The following TGIF1 variants were observed in gnomAD, a reference collection of about 807,000 sequenced individuals.
TGIF1 encodes TGFB induced factor homeobox 1.
TGIF1 carries 4 observed loss-of-function variants against 19.3 expected under a neutral mutation model. The ratio of observed to expected loss-of-function variants is 0.21; its 90% CI spans 0.10 to 0.47. The LOEUF (loss-of-function observed/expected upper bound fraction) is 0.47. Among genes scored for constraint, TGIF1 ranks in the 20% least tolerant of loss-of-function variants. TGIF1 has a pLI of 0.98. For missense variants in TGIF1, 275 were observed against 341.4 expected (o/e 0.81, Z 1.53); for synonymous variants, 122 against 129.3 (o/e 0.94, Z 0.38).
In TGIF1 at chr18:3,432,904, C is replaced by A. The variant is rs557114747; in HGVS notation, c.-45+14689C>A. 2.0e-5 allele frequency among the ~76,000 whole-genome samples: 3 copies of A among 152,164 alleles called. No homozygotes were observed. In the East Asian group the frequency reaches 5.8e-4, roughly 29 times the overall value. ...CCTCCCGAGTAGCTGGGATTACAGGCATGCGCCACCAAGCCCGGCTAATTT... is the reference window on the plus strand; with the variant it reads ...CCTCCCGAGTAGCTGGGATTACAGGAATGCGCCACCAAGCCCGGCTAATTT... On this transcript the variant is annotated intron_variant, in intron 2 of 3. Transcript: ENST00000401449.
At chr18:3,426,848 T>C (rs570424708) in intron 2 of TGIF1, among the ~76,000 whole-genome samples, 1 of 151,686 alleles carries the variant, frequency 6.6e-6, no homozygotes, top group Non-Finnish European at 1.5e-5. Flanking sequence ...CATGAGAAAG[T>C]AATTAAACCA....
chr18:3,426,051 T>G (rs2082463568), intron 2 of TGIF1, among the ~76,000 whole-genome samples: 1 of 152,068 alleles, frequency 6.6e-6, no homozygotes, highest in Non-Finnish European at 1.5e-5. Context: ...ATGTATCCTT[T>G]TATCTATTTT....
At chr18:3,416,304 G>C (rs1459290375) in intron 1 of TGIF1, among the ~76,000 whole-genome samples, 1 of 151,822 alleles carries the variant, frequency 6.6e-6, no homozygotes, top group African/African-American at 2.4e-5. Context: ...TGGATTGCCT[G>C]AGGTCAGGAG....
At chr18:3,449,513 G>C (rs1416548819), upstream of TGIF1, 4 of 985,340 alleles carry the variant, frequency 4.1e-6, no homozygotes, top group African/African-American at 7.0e-5. Context: ...GGGAACAGAC[G>C]TTCGTTTAGG....
chr18:3,419,710 A>G (rs2082376269), intron 2 of TGIF1, among the ~76,000 whole-genome samples: 1 of 152,234 alleles, frequency 6.6e-6, no homozygotes, highest in South Asian at 2.1e-4. Context: ...CTCCAACTCA[A>G]CAAGAAAAAA....
intron 2 of TGIF1, among the ~76,000 whole-genome samples, chr18:3,419,726 C>T (rs1337273295): frequency 6.6e-6 from 1 of 152,352 alleles, no homozygotes; most frequent in South Asian, 2.1e-4. Context: ...AAAAAGCAGG[C>T]TGGGCACGGT....
At chr18:3,448,487 C>T, upstream of TGIF1, 1 of 990,072 alleles carries the variant, frequency 1.0e-6, no homozygotes, top group Non-Finnish European at 1.2e-6. Context: ...TGCAGGGCAG[C>T]GTCCGGGCGG....
In TGIF1 at chr18:3,451,115, C is replaced by T. The variant is rs1221192416; in HGVS notation, c.16+610C>T. Among the ~76,000 whole-genome samples, 2 of 151,728 alleles carry T rather than the reference C, an allele frequency of 1.3e-5. No homozygotes were observed. The highest frequency in any genetic ancestry group is 4.8e-5 in the African/African-American group (2 of 41,322). On this transcript the variant is annotated intron_variant, in intron 1 of 2. Coordinates refer to ENST00000343820, the MANE Select transcript of TGIF1 (RefSeq NM_003244.4). This position sits in a 1 kb window ranked among gnomAD's most constrained non-coding sequence, Gnocchi z 5.4. Reference sequence around the variant, plus strand: ...ACAGCTTTGGAAAGCTAGACTTTTACAAATCCCCAGTCTCTAAAAGTTTTC... The same window carrying T: ...ACAGCTTTGGAAAGCTAGACTTTTATAAATCCCCAGTCTCTAAAAGTTTTC...
intron 2 of TGIF1, among the ~76,000 whole-genome samples, chr18:3,437,110 T>A (rs1432607250): frequency 2.0e-5 from 3 of 151,800 alleles, no homozygotes; most frequent in Non-Finnish European, 2.9e-5. Context: ...ATCTCAAAAA[T>A]AATAATAATA....
In TGIF1 at chr18:3,456,626, A is replaced by C. The variant is rs180969271; in HGVS notation, c.243+46A>C. 1 of 1,565,162 alleles carries C rather than the reference A, an allele frequency of 6.4e-7. No individual in the cohort carries two copies. The highest frequency in any genetic ancestry group is 8.8e-7 in the Non-Finnish European group (1 of 1,137,776). Reference sequence around the variant, plus strand: ...GTTTATGGATGCATTTTTAGTTTCAAAGTCATTTTATGGCATTCCTGTGTG... The same window carrying C: ...GTTTATGGATGCATTTTTAGTTTCACAGTCATTTTATGGCATTCCTGTGTG... On this transcript the variant is annotated intron_variant, in intron 2 of 2. Transcript: ENST00000343820. This position sits in a 1 kb window ranked among gnomAD's most constrained non-coding sequence, Gnocchi z 4.2.
intron 2 of TGIF1, among the ~76,000 whole-genome samples, chr18:3,424,878 C>T (rs996667797): frequency 1.3e-5 from 2 of 152,180 alleles, no homozygotes; most frequent in African/African-American, 4.8e-5. Flanking sequence ...CATACCTTGC[C>T]CTATGCATCT....
intron 2 of TGIF1, among the ~76,000 whole-genome samples, chr18:3,433,970 C>G (rs1294113794): frequency 6.6e-6 from 1 of 152,218 alleles, no homozygotes; most frequent in African/African-American, 2.4e-5. Context: ...ACAATATCAG[C>G]ATGTCTTCCC....
Position 3,459,589 on chromosome 18 carries a change from A to G in TGIF1, c.*1649A>G, listed in dbSNP as rs1385077543. Reference sequence around the variant, plus strand: ...AATGACGCAAAGGTGATCCAGAATCATTACTTGCTCCAACAGCTAGATCAA... The same window carrying G: ...AATGACGCAAAGGTGATCCAGAATCGTTACTTGCTCCAACAGCTAGATCAA... On this transcript the variant is annotated 3_prime_UTR_variant, in exon 3 of 3. Coordinates refer to ENST00000343820, the MANE Select transcript of TGIF1 (RefSeq NM_003244.4). The G allele has an allele frequency of 6.6e-6, 1 of 152,254 alleles. No homozygotes were observed. Among genetic ancestry groups the G allele is most frequent in the African/African-American group, 2.4e-5 (1 of 41,468 alleles). The allele number at this position is 152,254 out of a possible 1,614,324, so 9.4% of individuals were successfully genotyped here. A position where few individuals can be genotyped will look rare whatever the true frequency, so the allele number is the denominator to read the frequency against.
chr18:3,430,235 T>C (rs899245890), intron 2 of TGIF1, among the ~76,000 whole-genome samples: 5 of 152,156 alleles, frequency 3.3e-5, no homozygotes, highest in Non-Finnish European at 7.3e-5. Flanking sequence ...TTAGATGCTT[T>C]TACCAAAACA....
rs773196379 is a variant in TGIF1 at position 3,457,661 on chromosome 18, A to C, written c.540A>C (p.Ala180=). 8 of 1,614,208 alleles carry C rather than the reference A, an allele frequency of 5.0e-6. No individual in the cohort carries two copies. The highest frequency in any genetic ancestry group is 1.7e-6 in the Non-Finnish European group (2 of 1,180,042). The change falls in exon 3 of 3, where the codon GCA becomes GCC. Residue 180 remains alanine, a synonymous_variant. Coordinates refer to ENST00000343820, the MANE Select transcript of TGIF1 (RefSeq NM_003244.4). The surrounding 1 kb of genome is among the most constrained non-coding windows in gnomAD (Gnocchi z 4.9). The stretch of plus-strand genomic sequence containing the variant: ...TGATCTGCCATACCACTGTGACTGC[A>C]TTGAAAGATGTCCCTTTCTCTCTCT... ...PSVICHTTVT[A]LKDVPFSLCQ...
Position 3,430,292 on chromosome 18 carries a change from T to C in TGIF1, c.-45+12077T>C, listed in dbSNP as rs12604170. Among the ~76,000 whole-genome samples the C allele has an allele frequency of 7.3e-4, 111 of 152,304 alleles. 4 individuals carry two copies. The East Asian group carries it at 0.021, about 28-fold the overall frequency. On this transcript the variant is annotated intron_variant, in intron 2 of 3. Coordinates refer to the TGIF1 transcript ENST00000401449. ...GAGGAATCAGATATGAGAATCCAAC[T>C]GTCTTCTATTAAACCAGGCATTAAA...
chr18:3,453,722 C>G (rs1453113814), intron 1 of TGIF1: 1 of 490,230 alleles, frequency 2.0e-6, no homozygotes, highest in African/African-American at 2.2e-5. Context: ...CGTGCAGGAA[C>G]AAGGTCGCTG....
At chr18:3,447,858 G>A (rs530096175), upstream of TGIF1, 6 of 1,590,732 alleles carry the variant, frequency 3.8e-6, no homozygotes, top group South Asian at 4.4e-5. Flanking sequence ...AATTGTCTCC[G>A]CCCCTCCCCC....
intron 2 of TGIF1, among the ~76,000 whole-genome samples, chr18:3,443,121 C>T (rs238544): frequency 0.72 from 109,137 of 152,062 alleles, 39,369 homozygotes; most frequent in East Asian, 0.9. Flanking sequence ...TGGGCCCAGC[C>T]GGTTCATTAT....
Sources: allele counts gnomAD v4.1 joint callset (sites outside exome capture counted in the v4.1 genomes callset), GRCh38; gene constraint gnomAD v4.1.1; non-coding constraint Gnocchi (gnomAD v3.1); transcripts MANE v1.5; gene names NCBI Gene and HGNC (gene_info 2026-07-23, HGNC 2026-07-21).